Variants in FCMR observed in about 807,000 individuals in gnomAD.
FCMR encodes the protein Fc mu receptor, also known as immunoglobulin mu Fc receptor.
A neutral mutation model predicts 41.6 loss-of-function variants in FCMR; 34 were observed. The ratio of observed to expected loss-of-function variants is 0.82; its 90% confidence interval spans 0.62 to 1.09. The LOEUF (loss-of-function observed/expected upper bound fraction) is 1.09. Ranked by LOEUF, FCMR falls within the 50% of genes least tolerant of loss-of-function variation. The probability of loss-of-function intolerance (pLI) is 0.00; values close to 1 mark genes in which losing one functional copy is unlikely to be tolerated. For synonymous variants in FCMR, 209 were observed against 211.8 expected (o/e 0.99, Z 0.12); for missense variants, 496 against 512.5 (o/e 0.97, Z 0.31).
At chr1:206,920,523 G>T (rs1679391826) in intron 1 of FCMR, among the ~76,000 whole-genome samples, 1 of 151,394 alleles carries the variant, frequency 6.6e-6, no homozygotes, top group African/African-American at 2.4e-5. Context: ...CATGGGCAAA[G>T]ACATGGTGGC....
chr1:206,919,132 C>G (rs1469535412), intron 1 of FCMR, among the ~76,000 whole-genome samples: 1 of 152,078 alleles, frequency 6.6e-6, no homozygotes, highest in African/African-American at 2.4e-5. Context: ...AGTAGATACC[C>G]CAGCTTGCAA....
At chr1:206,908,595 T>A (rs532530193) in intron 7 of FCMR, among the ~76,000 whole-genome samples, 1 of 152,196 alleles carries the variant, frequency 6.6e-6, no homozygotes, top group East Asian at 1.9e-4. Flanking sequence ...GGGGACAACA[T>A]GAGCTTGCTG....
At chr1:206,907,619 A>T (rs1572617247) in intron 7 of FCMR, 1 of 740,334 alleles carries the variant, frequency 1.4e-6, no homozygotes, top group East Asian at 2.6e-5. Flanking sequence ...GCTGCCGAAG[A>T]TGGCGGGGGT....
chr1:206,922,719 C>A (rs955512936), upstream of FCMR, among the ~76,000 whole-genome samples: 5 of 152,210 alleles, frequency 3.3e-5, no homozygotes, highest in Admixed American at 3.3e-4. Context: ...AGTCACAGCA[C>A]CCTGGTAGAG....
intron 1 of FCMR, 71 bp from the exon 2 acceptor site, chr1:206,914,165 G>A (rs1572626905): frequency 1.6e-6 from 2 of 1,226,700 alleles, no homozygotes; most frequent in Non-Finnish European, 2.3e-6. Context: ...CTACTTCCCA[G>A]CTCCAGCCGT....
intron 2 of FCMR, among the ~76,000 whole-genome samples, chr1:206,913,383 G>A (rs950376051): frequency 7.9e-5 from 12 of 152,196 alleles, no homozygotes; most frequent in African/African-American, 2.9e-4. Flanking sequence ...GCCTATAAAT[G>A]TGGCTGGATA....
chr1:206,907,826 C>T, intron 7 of FCMR: 6 of 1,402,834 alleles, frequency 4.3e-6, no homozygotes, highest in Non-Finnish European at 6.1e-6. Flanking sequence ...TTCCCGAGGT[C>T]CCTACCACTT....
At position 206,909,232 on chromosome 1, in the gene FCMR, A is replaced by G. The variant is rs947119148; in HGVS notation, c.1044+230T>C. On this transcript the variant is annotated intron_variant, in intron 7 of 7. Coordinates refer to ENST00000367091, the MANE Select transcript of FCMR (RefSeq NM_005449.5). This position sits in a 1 kb window ranked among gnomAD's most constrained non-coding sequence, Gnocchi z 5.0. Reference sequence around the variant, plus strand: ...GGTATCCCGTGACAACTGCTTGGCTAGAAGCCACGGAACCAGGTCTTCTAC... The same window carrying G: ...GGTATCCCGTGACAACTGCTTGGCTGGAAGCCACGGAACCAGGTCTTCTAC... Among the ~76,000 whole-genome samples, 10 of 152,182 alleles carry G rather than the reference A, an allele frequency of 6.6e-5. No individual in the cohort carries two copies. Among genetic ancestry groups the G allele is most frequent in the African/African-American group, 2.4e-4 (10 of 41,448 alleles).
Position 206,905,061 on chromosome 1 carries a change from C to T in FCMR, c.1131G>A (p.Met377Ile), listed in dbSNP as rs751526857. The part of the protein sequence containing the change: ...VSLYHQPAAM[M>I]EDSDSDDYIN... ...TGTAGTCATCTGAATCACTGTCCTC[C>T]ATCATGGCGGCAGGCTGGTGGTAGA... Residue 377 changes from methionine to isoleucine, a missense_variant, in exon 8 of 8, where the codon ATG becomes ATA. Physicochemically the swap from Met to Ile is conservative, Grantham distance 10 (BLOSUM62 1). Transcript: ENST00000367091. The T allele has an allele frequency of 6.2e-7, 1 of 1,614,120 alleles. No homozygotes were observed. The highest frequency in any genetic ancestry group is 8.5e-7 in the Non-Finnish European group (1 of 1,180,004).
chr1:206,917,902 G>A (rs1162297866), intron 1 of FCMR: 2 of 430,140 alleles, frequency 4.6e-6, no homozygotes, highest in African/African-American at 4.2e-5. Context: ...ACAGGCATGA[G>A]TCTCCATGCC....
chr1:206,917,557 T>C (rs544326674), intron 1 of FCMR, among the ~76,000 whole-genome samples: 2 of 152,332 alleles, frequency 1.3e-5, no homozygotes, highest in African/African-American at 2.4e-5. Context: ...TCTCTGGCTA[T>C]TGGAGAAAAA....
chr1:206,905,331 C>G (rs1285495235), intron 7 of FCMR, among the ~76,000 whole-genome samples, 184 bp from the exon 8 acceptor site: 1 of 152,024 alleles, frequency 6.6e-6, no homozygotes, highest in Non-Finnish European at 1.5e-5. Flanking sequence ...TAGTGTCTCA[C>G]CTGAGATAAC....
At chr1:206,920,628 A>C (rs1679398202) in intron 1 of FCMR, among the ~76,000 whole-genome samples, 1 of 152,100 alleles carries the variant, frequency 6.6e-6, no homozygotes, top group Non-Finnish European at 1.5e-5. Flanking sequence ...GAAAGGGGAT[A>C]CAGGGAGGAG....
chr1:206,921,743 T>C, intron 1 of FCMR, 75 bp downstream of exon 1: 10 of 1,362,442 alleles, frequency 7.3e-6, no homozygotes. Context: ...GAGCTAGAGC[T>C]ACCAGGCAAT....
chr1:206,906,949 A>G lies in FCMR; in HGVS notation c.1045-1802T>C, dbSNP rs566596169. Among the ~76,000 whole-genome samples, 135 of 151,922 alleles carry G rather than the reference A, an allele frequency of 8.9e-4. 2 individuals are homozygous for G. The highest frequency in any genetic ancestry group is 1.5e-3 in the Admixed American group (23 of 15,278). On this transcript the variant is annotated intron_variant, in intron 7 of 7. Coordinates refer to ENST00000367091, the MANE Select transcript of FCMR (RefSeq NM_005449.5). ...AGCTGCTGCTGCTTCCCTCTTTAGT[A>G]AAGTACAAAATATATCAAAATTCCT...
chr1:206,920,118 C>A (rs1428459198), intron 1 of FCMR, among the ~76,000 whole-genome samples: 3 of 151,998 alleles, frequency 2.0e-5, no homozygotes, highest in Non-Finnish European at 2.9e-5. Context: ...GGAATGTCTA[C>A]AATAAGGAGG....
At chr1:206,916,612 G>A (rs1405153678) in intron 1 of FCMR, among the ~76,000 whole-genome samples, 1 of 152,252 alleles carries the variant, frequency 6.6e-6, no homozygotes, top group Non-Finnish European at 1.5e-5. Flanking sequence ...TGTTGGCGAT[G>A]TGAAAATGAC....
In FCMR at chr1:206,908,271, G is replaced by A. The variant is rs1678766694; in HGVS notation, c.1044+1191C>T. 8 of 1,078,478 alleles carry A rather than the reference G, an allele frequency of 7.4e-6. No homozygotes were observed. The South Asian group carries it at 9.4e-5, about 13-fold the overall frequency. 66.8% of individuals were successfully genotyped at this position (1,078,478 alleles called of 1,614,324 possible). A position where few individuals can be genotyped will look rare whatever the true frequency, so the allele number is the denominator to read the frequency against. ...TAATTCCTCATGCTTGGCCTGGCCTGCCCTTCCTCCATCGTCGCCCTGGAA... is the reference window on the plus strand; with the variant it reads ...TAATTCCTCATGCTTGGCCTGGCCTACCCTTCCTCCATCGTCGCCCTGGAA... On this transcript the variant is annotated intron_variant, in intron 7 of 7. Transcript: ENST00000367091.
At chr1:206,911,226 G>T (rs1481686822) in intron 4 of FCMR, among the ~76,000 whole-genome samples, 2 of 139,784 alleles carry the variant, frequency 1.4e-5, no homozygotes, top group African/African-American at 5.4e-5. Flanking sequence ...AACCAATTTT[G>T]ATTATTATAG....
Sources: gnomAD v4.1 joint callset for allele counts (sites outside exome capture counted in the v4.1 genomes callset) on GRCh38, gnomAD v4.1.1 for gene constraint, Gnocchi (gnomAD v3.1) non-coding constraint, MANE v1.5 for transcripts, NCBI Gene and HGNC (gene_info 2026-07-23, HGNC 2026-07-21) for gene names.